Variants in CNBD1 observed in about 807,000 individuals in gnomAD.
CNBD1 encodes the protein cyclic nucleotide binding domain containing 1.
A neutral mutation model predicts 54.4 loss-of-function variants in CNBD1; 71 were observed. The ratio of observed to expected loss-of-function variants is 1.30; its 90% CI spans 1.08 to 1.59. The LOEUF (loss-of-function observed/expected upper bound fraction) is 1.59. Ranked by LOEUF, CNBD1 falls within the 40% of genes most tolerant of loss-of-function variation. The probability of loss-of-function intolerance (pLI) is 0.00; values close to 1 mark genes in which losing one functional copy is unlikely to be tolerated. For synonymous variants in CNBD1, 182 were observed against 170.7 expected (o/e 1.07, Z -0.51); for missense variants, 659 against 518.0 (o/e 1.27, Z -2.64).
At chr8:87,384,095 A>G (rs1373292766), downstream of CNBD1, among the ~76,000 whole-genome samples, 1 of 152,118 alleles carries the variant, frequency 6.6e-6, no homozygotes, top group Non-Finnish European at 1.5e-5. Flanking sequence ...TGTCCTTTAT[A>G]GTGAACATAC....
chr8:87,424,106 T>G (rs528817173), intron 2 of CNBD1, among the ~76,000 whole-genome samples: 100 of 152,338 alleles, frequency 6.6e-4, no homozygotes, highest in African/African-American at 2.3e-3. Flanking sequence ...TGTATTTCTG[T>G]GGGATTGGTG....
intron 2 of CNBD1, among the ~76,000 whole-genome samples, chr8:87,412,821 G>A (rs1324711183): frequency 1.3e-5 from 2 of 151,996 alleles, no homozygotes; most frequent in East Asian, 1.9e-4. Context: ...AGGTAGGTTA[G>A]GCAGTGATGT....
chr8:86,951,575 G>A (rs4425775), intron 4 of CNBD1, among the ~76,000 whole-genome samples: 24,760 of 67,838 alleles, frequency 0.36, 4,048 homozygotes, highest in East Asian at 0.49. Context: ...GCGAGGCTCC[G>A]TCTCACAAAA....
intron 2 of CNBD1, among the ~76,000 whole-genome samples, chr8:87,410,330 G>A (rs1205652974): frequency 1.3e-5 from 2 of 152,146 alleles, no homozygotes; most frequent in Admixed American, 6.5e-5. Context: ...CATAGATAGT[G>A]ATTCCTCTGA....
intron 4 of CNBD1, among the ~76,000 whole-genome samples, chr8:86,953,126 G>A (rs1807668888): frequency 6.6e-6 from 1 of 152,100 alleles, no homozygotes; most frequent in Non-Finnish European, 1.5e-5. Context: ...GTTTATCTAA[G>A]TATATGTTGA....
intron 5 of CNBD1, among the ~76,000 whole-genome samples, chr8:87,207,916 G>A (rs1052445689): frequency 2.3e-4 from 35 of 152,080 alleles, no homozygotes; most frequent in African/African-American, 4.3e-4. Context: ...ATTTAGTTCC[G>A]ACAGCTCAGA....
intron 10 of CNBD1, among the ~76,000 whole-genome samples, chr8:87,377,420 G>T (rs1269185711): frequency 1.3e-5 from 2 of 150,762 alleles, no homozygotes; most frequent in East Asian, 3.9e-4. Context: ...TTTTGTTCTT[G>T]CGATAGTTTA....
chr8:87,054,862 T>C (rs1430481728), intron 4 of CNBD1, among the ~76,000 whole-genome samples: 1 of 152,058 alleles, frequency 6.6e-6, no homozygotes, highest in African/African-American at 2.4e-5. Context: ...GTGAGCAGGG[T>C]TGATAAAGTC....
intron 5 of CNBD1, among the ~76,000 whole-genome samples, chr8:87,215,850 A>G (rs1814198619): frequency 6.6e-6 from 1 of 152,144 alleles, no homozygotes; most frequent in African/African-American, 2.4e-5. Context: ...CAAAATTTCT[A>G]TCATCCTAAA....
chr8:87,304,514 A>C (rs866105191), intron 8 of CNBD1, among the ~76,000 whole-genome samples: 29 of 152,222 alleles, frequency 1.9e-4, no homozygotes, highest in Middle Eastern at 6.8e-3. Flanking sequence ...GAGAGATAGC[A>C]TTAGGAGATA....
Position 87,163,606 on chromosome 8 carries a change from T to C in CNBD1, c.432-42387T>C, listed in dbSNP as rs938729697. On this transcript the variant is annotated intron_variant, in intron 4 of 10. Transcript: ENST00000518476. The surrounding 1 kb of genome is among the most constrained non-coding windows in gnomAD (Gnocchi z 4.5). ...TTGACATTTTTTAAAATTTCTTTTT[T>C]TCAGATATTTTGTTAGTGTATGAAA... Among the ~76,000 whole-genome samples, 2 of 151,874 alleles carry C rather than the reference T, an allele frequency of 1.3e-5. No homozygotes were observed. Among genetic ancestry groups the C allele is most frequent in the African/African-American group, 4.8e-5 (2 of 41,414 alleles).
At chr8:86,892,042 A>AT (rs1162559215) in intron 2 of CNBD1, among the ~76,000 whole-genome samples, 1 of 151,388 alleles carries the variant, frequency 6.6e-6, no homozygotes, top group African/African-American at 2.4e-5. Context: ...ATTGGGCTGT[A>AT]TTTTTTTTCT....
At chr8:86,977,397 T>A (rs1365347905) in intron 4 of CNBD1, among the ~76,000 whole-genome samples, 1 of 152,128 alleles carries the variant, frequency 6.6e-6, no homozygotes, top group Non-Finnish European at 1.5e-5. Context: ...ATTCTTTTTC[T>A]CTTCTTTGCT....
At chr8:87,342,089 C>T (rs1037213719) in intron 8 of CNBD1, among the ~76,000 whole-genome samples, 13 of 152,094 alleles carry the variant, frequency 8.5e-5, no homozygotes, top group African/African-American at 1.7e-4. Flanking sequence ...CTGGCTAACA[C>T]GGCGAAACCC....
At chr8:86,939,528 G>C in intron 3 of CNBD1, 68 bp from the exon 4 acceptor site, 4 of 1,142,408 alleles carry the variant, frequency 3.5e-6, no homozygotes, top group Non-Finnish European at 4.8e-6. Flanking sequence ...CTGCAATATA[G>C]TAAAAGTCCC....
intron 6 of CNBD1, among the ~76,000 whole-genome samples, chr8:87,252,527 G>T (rs1041478589): frequency 6.6e-6 from 1 of 152,102 alleles, no homozygotes; most frequent in Non-Finnish European, 1.5e-5. Flanking sequence ...TGGTATTTTA[G>T]TATGGTTAAC....
intron 2 of CNBD1, among the ~76,000 whole-genome samples, chr8:87,426,118 A>G (rs1411358108): frequency 6.6e-6 from 1 of 152,206 alleles, no homozygotes; most frequent in Non-Finnish European, 1.5e-5. Flanking sequence ...TGACTAGGAA[A>G]GGGAACTCCC....
chr8:87,299,808 C>G (rs1563542750), intron 8 of CNBD1, among the ~76,000 whole-genome samples: 1 of 152,144 alleles, frequency 6.6e-6, no homozygotes. Flanking sequence ...GGATCATGAG[C>G]TGGATTTCAG....
In CNBD1 at chr8:86,940,132, C is replaced by CTTTTTTTTTTTTTTTT. The variant is rs10671983; in HGVS notation, c.431+382_431+397dup. 4.9e-3 allele frequency among the ~76,000 whole-genome samples: 432 copies of CTTTTTTTTTTTTTTTT among 88,704 alleles called. 64 individuals are homozygous for CTTTTTTTTTTTTTTTT. The highest frequency in any genetic ancestry group is 0.018 in the African/African-American group (399 of 21,904). The allele number at this position is 88,704 out of a possible 152,430, so 58.2% of individuals were successfully genotyped here. A position where few individuals can be genotyped will look rare whatever the true frequency, so the allele number is the denominator to read the frequency against. The stretch of plus-strand genomic sequence containing the variant: ...CTTTAAATAAACTTACCACATGTTA[C>CTTTTTTTTTTTTTTTT]TTTTTTTTTTTTTTTTTTTGAGACT... On this transcript the variant is annotated intron_variant, in intron 4 of 10. Transcript: ENST00000518476.
Sources: gnomAD v4.1 joint callset for allele counts (sites outside exome capture counted in the v4.1 genomes callset) on GRCh38, gnomAD v4.1.1 for gene constraint, Gnocchi (gnomAD v3.1) non-coding constraint, MANE v1.5 for transcripts, NCBI Gene and HGNC (gene_info 2026-07-23, HGNC 2026-07-21) for gene names.